TRIM14: variants seen among roughly 807,000 people sequenced by gnomAD.
The protein encoded by TRIM14 is tripartite motif-containing protein 14.
In TRIM14, 28 loss-of-function variants were observed where a neutral mutation model predicts 44.5. That is an observed-to-expected ratio of 0.63 (90% CI 0.47 to 0.86). TRIM14 has a LOEUF of 0.86. Among genes scored for constraint, TRIM14 ranks in the 40% least tolerant of loss-of-function variants. The pLI, the probability that TRIM14 is intolerant of heterozygous loss-of-function variation, is 0.00. For synonymous variants in TRIM14, 299 were observed against 269.2 expected (o/e 1.11, Z -1.08); for missense variants, 607 against 611.1 (o/e 0.99, Z 0.07).
chr9:98,092,146 A>T, intron 4 of TRIM14, 145 bp from the exon 5 acceptor site: 1 of 567,960 alleles, frequency 1.8e-6, no homozygotes, highest in South Asian at 3.3e-5. Flanking sequence ...ATTCACAGGG[A>T]CAGGAAAACC....
chr9:98,063,643 G>A, the TRIM14 span, among the ~76,000 whole-genome samples: 4 of 152,096 alleles, frequency 2.6e-5, no homozygotes, highest in Non-Finnish European at 1.5e-5. Context: ...CTGGCCTCAA[G>A]TGATCCTCCT....
the TRIM14 span, among the ~76,000 whole-genome samples, chr9:98,045,822 G>A: frequency 1.3e-5 from 2 of 152,184 alleles, no homozygotes; most frequent in East Asian, 3.8e-4. Flanking sequence ...TGATCTCTTG[G>A]AGCAGCTGGG....
intron 1 of TRIM14, chr9:98,116,107 C>T (rs1031761701): frequency 2.0e-5 from 3 of 152,000 alleles, no homozygotes; most frequent in Non-Finnish European, 2.9e-5. Context: ...TCAAGACCAC[C>T]CTGGCCAACA....
chr9:98,054,517 G>T, the TRIM14 span, among the ~76,000 whole-genome samples: 4 of 152,110 alleles, frequency 2.6e-5, no homozygotes, highest in Non-Finnish European at 4.4e-5. Context: ...ACCCCATAAT[G>T]GGGCTGCAGC....
chr9:98,104,284 G>A (rs1234397574), intron 2 of TRIM14, among the ~76,000 whole-genome samples: 22 of 152,180 alleles, frequency 1.4e-4, no homozygotes, highest in Middle Eastern at 6.3e-3. Context: ...TTGAAGCAAC[G>A]TAAGTACACA....
At chr9:98,074,806 A>G (rs993057832) in intron 6 of TRIM14, 4 of 152,180 alleles carry the variant, frequency 2.6e-5, no homozygotes, top group Non-Finnish European at 5.9e-5. Context: ...CCACACTCCC[A>G]CAAGATGAAC....
At chr9:98,056,684 C>A in the TRIM14 span, 2 of 1,413,482 alleles carry the variant, frequency 1.4e-6, no homozygotes, top group Non-Finnish European at 1.9e-6. Flanking sequence ...GCCCGGCGAC[C>A]GCGGGCTGAC....
chr9:98,094,830 G>A (rs1272258505), intron 4 of TRIM14, 37 bp downstream of exon 4: 3 of 1,603,292 alleles, frequency 1.9e-6, no homozygotes, highest in Admixed American at 3.4e-5. Flanking sequence ...GACACTAGGG[G>A]AGTTAAGGAC....
the TRIM14 span, among the ~76,000 whole-genome samples, chr9:98,045,111 C>G: frequency 6.6e-6 from 1 of 151,794 alleles, no homozygotes; most frequent in Non-Finnish European, 1.5e-5. Flanking sequence ...GACTCTGTCT[C>G]CAAAAAATAA....
At chr9:98,098,683 G>A (rs1826275876) in intron 3 of TRIM14, among the ~76,000 whole-genome samples, 1 of 151,814 alleles carries the variant, frequency 6.6e-6, no homozygotes, top group Admixed American at 6.6e-5. Context: ...CAGCCTGGGC[G>A]ACAGAGCAAG....
In TRIM14 at chr9:98,095,194, A is replaced by G. The variant is rs530347297; in HGVS notation, c.538-165T>C. Among the ~76,000 whole-genome samples the G allele has an allele frequency of 5.3e-5, 8 of 152,348 alleles. No homozygotes were observed. Among genetic ancestry groups the G allele is most frequent in the African/African-American group, 1.9e-4 (8 of 41,582 alleles). On this transcript the variant is annotated intron_variant, in intron 3 of 5. Transcript: ENST00000341469. This position sits in a 1 kb window ranked among gnomAD's most constrained non-coding sequence, Gnocchi z 4.1. ...TGCCTGCAGGAGCAGAGCCCTGGAGAGACCATACGGCATCCCTGAGGTGGG... is the reference window on the plus strand; with the variant it reads ...TGCCTGCAGGAGCAGAGCCCTGGAGGGACCATACGGCATCCCTGAGGTGGG...
chr9:98,037,947 C>T, the TRIM14 span, among the ~76,000 whole-genome samples: 1 of 152,160 alleles, frequency 6.6e-6, no homozygotes, highest in African/African-American at 2.4e-5. Context: ...CCAGGCTGGC[C>T]TCTAACTCCT....
chr9:98,081,318 T>C (rs1426417826), downstream of TRIM14: 3 of 573,914 alleles, frequency 5.2e-6, no homozygotes, highest in Admixed American at 6.4e-5. Context: ...TCTGGCCACC[T>C]AGGGTCACAT....
At chr9:98,088,135 A>T in intron 5 of TRIM14, 130 bp from the exon 6 acceptor site, 1 of 1,089,398 alleles carries the variant, frequency 9.2e-7, no homozygotes, top group South Asian at 1.9e-5. Context: ...AAGGGGTGAC[A>T]GACCCCTTTA....
chr9:98,076,380 CTT>C (rs200078832), intron 6 of TRIM14: 10 of 146,226 alleles, frequency 6.8e-5, no homozygotes, highest in South Asian at 2.2e-4. Flanking sequence ...TTTCCAGATT[CTT>C]TTTTTTTTTT....
chr9:98,050,653 G>A, the TRIM14 span, among the ~76,000 whole-genome samples: 3 of 152,104 alleles, frequency 2.0e-5, no homozygotes, highest in Non-Finnish European at 2.9e-5. Context: ...TCTCCCTTAG[G>A]TGAGAGTTCT....
chr9:98,088,988 CCAAA>C (rs1476325619), intron 5 of TRIM14, among the ~76,000 whole-genome samples: 1 of 151,940 alleles, frequency 6.6e-6, no homozygotes, highest in Admixed American at 6.6e-5. Context: ...ATAAACAAGG[CCAAA>C]CAGTTTTCCA....
At chr9:98,049,338 CATAAAAAAAAAAA>C in the TRIM14 span, among the ~76,000 whole-genome samples, 32 of 38,584 alleles carry the variant, frequency 8.3e-4, no homozygotes, top group South Asian at 0.029. Flanking sequence ...TGAGACTCTG[CATAAAAAAAAAAA>C]AAAAAAAAAA....
rs1825828021 is a variant in TRIM14 at position 98,087,590 on chromosome 9, G to A, written c.1209C>T (p.Ala403=). The A allele has an allele frequency of 6.3e-7, 1 of 1,599,566 alleles. No homozygotes were observed. Among genetic ancestry groups the A allele is most frequent in the East Asian group, 2.3e-5 (1 of 44,442 alleles). Residue 403 remains alanine, a synonymous_variant, in exon 6 of 6, where the codon GCC becomes GCT. Transcript: ENST00000341469. ...VFLDYEAGVL[A]FYDVTGGMSH... ...TCATGCCGCCCGTCACGTCGTAGAAGGCGAGGACGCCGGCCTCGTAGTCCA... is the reference window on the plus strand; with the variant it reads ...TCATGCCGCCCGTCACGTCGTAGAAAGCGAGGACGCCGGCCTCGTAGTCCA...
Sources: allele counts gnomAD v4.1 joint callset (sites outside exome capture counted in the v4.1 genomes callset), GRCh38; gene constraint gnomAD v4.1.1; non-coding constraint Gnocchi (gnomAD v3.1); transcripts MANE v1.5; gene names NCBI Gene and HGNC (gene_info 2026-07-23, HGNC 2026-07-21).